Variants in TMEM178B observed in about 807,000 individuals in gnomAD.
TMEM178B encodes transmembrane protein 178B.
A neutral mutation model predicts 31.0 loss-of-function variants in TMEM178B; 5 were observed. The ratio of observed to expected loss-of-function variants is 0.16; its 90% CI spans 0.08 to 0.34. TMEM178B has a LOEUF of 0.34. Among genes scored for constraint, TMEM178B ranks in the 10% least tolerant of loss-of-function variants. The probability of loss-of-function intolerance (pLI) is 1.00; values close to 1 mark genes in which losing one functional copy is unlikely to be tolerated. For synonymous variants in TMEM178B, 164 were observed against 164.0 expected (o/e 1.00, Z 0.00); for missense variants, 275 against 400.3 (o/e 0.69, Z 2.67).
At chr7:141,339,573 A>G (rs750013961) in intron 2 of TMEM178B, among the ~76,000 whole-genome samples, 5 of 152,252 alleles carry the variant, frequency 3.3e-5, no homozygotes, top group Non-Finnish European at 7.3e-5. Flanking sequence ...GAGTTCATAA[A>G]GTGGAAGGTG....
At chr7:141,105,790 G>A (rs1037258413) in intron 1 of TMEM178B, among the ~76,000 whole-genome samples, 12 of 152,062 alleles carry the variant, frequency 7.9e-5, no homozygotes, top group African/African-American at 2.4e-4. Flanking sequence ...TTTTAATAGA[G>A]CCTTTAAAAA....
intron 2 of TMEM178B, among the ~76,000 whole-genome samples, chr7:141,384,829 G>A (rs913966748): frequency 2.6e-5 from 4 of 151,938 alleles, no homozygotes; most frequent in Admixed American, 1.3e-4. Context: ...TTTCTATATT[G>A]TATTGAAATC....
At chr7:141,141,018 G>C (rs776780371) in intron 1 of TMEM178B, among the ~76,000 whole-genome samples, 5 of 152,100 alleles carry the variant, frequency 3.3e-5, no homozygotes, top group African/African-American at 4.8e-5. Context: ...CCACCCTAAG[G>C]AGTTGGGAGT....
At chr7:141,242,286 A>G (rs1438890524) in intron 2 of TMEM178B, among the ~76,000 whole-genome samples, 2 of 152,222 alleles carry the variant, frequency 1.3e-5, no homozygotes, top group African/African-American at 4.8e-5. Flanking sequence ...GTTTGATTAA[A>G]ATTACATCAA....
chr7:141,395,542 A>G (rs906393206), intron 2 of TMEM178B, among the ~76,000 whole-genome samples: 1 of 152,192 alleles, frequency 6.6e-6, no homozygotes, highest in Non-Finnish European at 1.5e-5. Context: ...GAGGAGGAGC[A>G]GAGCTGGTTG....
At chr7:141,337,063 CATCACT>C (rs1468229661) in intron 2 of TMEM178B, among the ~76,000 whole-genome samples, 19 of 79,750 alleles carry the variant, frequency 2.4e-4, no homozygotes, top group East Asian at 2.8e-4. Flanking sequence ...CCACCACCAC[CATCACT>C]ACCACCACCA....
intron 2 of TMEM178B, among the ~76,000 whole-genome samples, chr7:141,241,707 G>A (rs936969508): frequency 6.6e-6 from 1 of 151,978 alleles, no homozygotes; most frequent in African/African-American, 2.4e-5. Context: ...AAGGAGCTTC[G>A]CTTTGCTTCC....
intron 1 of TMEM178B, among the ~76,000 whole-genome samples, chr7:141,196,987 A>G (rs991998313): frequency 6.6e-6 from 1 of 152,150 alleles, no homozygotes; most frequent in African/African-American, 2.4e-5. Flanking sequence ...AGGCCAGAAG[A>G]AGACAGGATG....
intron 1 of TMEM178B, among the ~76,000 whole-genome samples, chr7:141,155,435 C>T (rs554684802): frequency 2.0e-5 from 3 of 152,304 alleles, no homozygotes; most frequent in African/African-American, 7.2e-5. Context: ...CATAGCACCC[C>T]ATGGTCTAAA....
intron 2 of TMEM178B, among the ~76,000 whole-genome samples, chr7:141,257,166 G>C (rs1290201370): frequency 6.6e-6 from 1 of 152,190 alleles, no homozygotes; most frequent in African/African-American, 2.4e-5. Flanking sequence ...TGCAGAAGCA[G>C]GTAAATAAGA....
chr7:141,129,266 T>G (rs1795556162), intron 1 of TMEM178B, among the ~76,000 whole-genome samples: 1 of 152,224 alleles, frequency 6.6e-6, no homozygotes, highest in Admixed American at 6.5e-5. Context: ...GCATTCTCAT[T>G]TACTGCAGCC....
intron 2 of TMEM178B, among the ~76,000 whole-genome samples, chr7:141,290,124 T>G (rs1207784924): frequency 2.0e-5 from 3 of 152,240 alleles, no homozygotes; most frequent in African/African-American, 7.2e-5. Context: ...TCACTTCTTT[T>G]GGTTCTTAGG....
At chr7:141,297,244 A>G (rs1463755809) in intron 2 of TMEM178B, 1 of 152,238 alleles carries the variant, frequency 6.6e-6, no homozygotes, top group Non-Finnish European at 1.5e-5. Flanking sequence ...TCTTTAAAGT[A>G]GAAGTTAAAC....
intron 2 of TMEM178B, among the ~76,000 whole-genome samples, chr7:141,433,967 G>T (rs1801486208): frequency 6.6e-6 from 1 of 152,198 alleles, no homozygotes; most frequent in Non-Finnish European, 1.5e-5. Flanking sequence ...AGCTTCTGCT[G>T]ACAAAGCCCT....
chr7:141,272,920 C>A (rs1304330529), intron 2 of TMEM178B, among the ~76,000 whole-genome samples: 1 of 152,184 alleles, frequency 6.6e-6, no homozygotes, highest in Non-Finnish European at 1.5e-5. Context: ...ATCCACACTT[C>A]CATTTTTATT....
intron 2 of TMEM178B, among the ~76,000 whole-genome samples, chr7:141,263,093 A>G (rs1185852841): frequency 1.3e-5 from 2 of 152,052 alleles, no homozygotes; most frequent in Non-Finnish European, 1.5e-5. Flanking sequence ...ACACTAAACC[A>G]CTGCAGATAG....
chr7:141,377,276 C>T (rs1427522675), intron 2 of TMEM178B, among the ~76,000 whole-genome samples: 5 of 151,852 alleles, frequency 3.3e-5, no homozygotes, highest in East Asian at 2.0e-4. Context: ...CTCCGCCTCC[C>T]GGGTTCAAGT....
chr7:141,392,606 AT>A lies in TMEM178B; in HGVS notation c.497-44996del, dbSNP rs1217619905. Among the ~76,000 whole-genome samples, 9 of 152,204 alleles carry A rather than the reference AT, an allele frequency of 5.9e-5. No homozygotes were observed. In the East Asian group the frequency reaches 1.3e-3, roughly 23 times the overall value. ...CCCTAACATCACCCATGCCTCATTC[AT>A]TTTTTAATGTGCACAAATGTCCCCC... On this transcript the variant is annotated intron_variant, in intron 2 of 3. Coordinates refer to ENST00000565468, the MANE Select transcript of TMEM178B (RefSeq NM_001195278.2).
chr7:141,333,979 G>C (rs1277097645), intron 2 of TMEM178B, among the ~76,000 whole-genome samples: 2 of 152,202 alleles, frequency 1.3e-5, no homozygotes, highest in African/African-American at 4.8e-5. Flanking sequence ...ACCTTCTGCT[G>C]TGGGGCCCGC....
Sources: gnomAD v4.1 joint callset for allele counts (sites outside exome capture counted in the v4.1 genomes callset) on GRCh38, gnomAD v4.1.1 for gene constraint, MANE v1.5 for transcripts, NCBI Gene and HGNC (gene_info 2026-07-23, HGNC 2026-07-21) for gene names.